Variants in COG2 observed in about 807,000 individuals in gnomAD.
The protein encoded by COG2 is component of oligomeric golgi complex 2.
In COG2, 52 loss-of-function variants were observed where a neutral mutation model predicts 90.6. The ratio of observed to expected loss-of-function variants is 0.57; its 90% CI spans 0.46 to 0.72. COG2 has a LOEUF of 0.72. Ranked by LOEUF, COG2 falls within the 30% of genes least tolerant of loss-of-function variation. The pLI, the probability that COG2 is intolerant of heterozygous loss-of-function variation, is 0.00. For synonymous variants in COG2, 337 were observed against 320.4 expected, an observed-to-expected ratio of 1.05 and a Z score of -0.55; for missense variants, 829 against 891.2, an observed-to-expected ratio of 0.93 and a Z score of 0.89.
chr1:230,691,777 G>A, intron 17 of COG2: 2 of 520,280 alleles, frequency 3.8e-6, no homozygotes, highest in Non-Finnish European at 3.4e-6. Context: ...AAGTCTGGTG[G>A]CGTGCTCTCT....
At chr1:230,672,496 C>G (rs1662473997) in intron 8 of COG2, among the ~76,000 whole-genome samples, 3 of 152,076 alleles carry the variant, frequency 2.0e-5, no homozygotes, top group Non-Finnish European at 4.4e-5. Flanking sequence ...GTCAAACTGC[C>G]TCTCCACATG....
At position 230,678,625 on chromosome 1, in the gene COG2, G is replaced by A. The variant is rs961166758; in HGVS notation, c.1027-288G>A. The A allele has an allele frequency of 2.6e-5, 35 of 1,349,718 alleles. No individual in the cohort carries two copies. The Admixed American group carries it at 7.0e-4, about 27-fold the overall frequency. The allele number at this position is 1,349,718 out of a possible 1,614,324, so 83.6% of individuals were successfully genotyped here. A position where few individuals can be genotyped will look rare whatever the true frequency, so the allele number is the denominator to read the frequency against. ...TAATTCCAGTGGGCTGGGGTAGGGGGCCCTAGAACATGAGCACTGCCATTT... is the reference window on the plus strand; with the variant it reads ...TAATTCCAGTGGGCTGGGGTAGGGGACCCTAGAACATGAGCACTGCCATTT... On this transcript the variant is annotated intron_variant, in intron 9 of 17. Coordinates refer to ENST00000366669, the MANE Select transcript of COG2 (RefSeq NM_007357.3).
At chr1:230,686,850 G>C in intron 12 of COG2, 85 bp from the exon 13 acceptor site, 6 of 772,436 alleles carry the variant, frequency 7.8e-6, no homozygotes. Context: ...TTAATGGTGA[G>C]TTATTGACGC....
rs1662666350 is a variant in COG2, at chr1:230,678,960, T to C, written c.1074T>C (p.Cys358=). 1 of 1,613,554 alleles carries C rather than the reference T, an allele frequency of 6.2e-7. No homozygotes were observed. Among genetic ancestry groups the C allele is most frequent in the African/African-American group, 1.3e-5 (1 of 74,918 alleles). The change falls in exon 10 of 18, where the codon TGT becomes TGC. Residue 358 remains cysteine (C), a synonymous_variant. Transcript: ENST00000366669. Reference sequence around the variant, plus strand: ...TTGTCAGAAGATTGGAACGGCAGTGTGGATCACAGGCTAGTGTAAAGAGAT... The same window carrying C: ...TTGTCAGAAGATTGGAACGGCAGTGCGGATCACAGGCTAGTGTAAAGAGAT... ...MDFVRRLERQ[C]GSQASVKRLR...
In COG2 at chr1:230,663,984, T is replaced by C. The variant is rs906246734; in HGVS notation, c.382-500T>C. On this transcript the variant is annotated intron_variant, in intron 4 of 17. Coordinates refer to ENST00000366669, the MANE Select transcript of COG2 (RefSeq NM_007357.3). ...GGCAGATCGCTTGAGCTCAGGACTT[T>C]GAGAACAGCCTGGGCAACATAGCAA... Among the ~76,000 whole-genome samples, 6 of 152,078 alleles carry C rather than the reference T, an allele frequency of 3.9e-5. No individual in the cohort carries two copies. In the East Asian group the frequency reaches 9.6e-4, roughly 24 times the overall value.
Position 230,678,158 on chromosome 1 carries a change from G to A in COG2, c.1027-755G>A, listed in dbSNP as rs920638394. 11 of 985,242 alleles carry A rather than the reference G, an allele frequency of 1.1e-5. No homozygotes were observed. The Admixed American group carries it at 1.8e-4, about 17-fold the overall frequency. 61.0% of individuals were successfully genotyped at this position (985,242 alleles called of 1,614,324 possible). Reference sequence around the variant, plus strand: ...AGTGTTCTTAGAGCCTGGGGGCTTCGGGAATAAAGTACCCACAAAAGCAAC... The same window carrying A: ...AGTGTTCTTAGAGCCTGGGGGCTTCAGGAATAAAGTACCCACAAAAGCAAC... On this transcript the variant is annotated intron_variant, in intron 9 of 17. Transcript: ENST00000366669.
intron 15 of COG2, among the ~76,000 whole-genome samples, chr1:230,689,415 G>C (rs909505112): frequency 3.9e-5 from 6 of 152,166 alleles, no homozygotes; most frequent in African/African-American, 1.4e-4. Flanking sequence ...CATTTACTGA[G>C]AGTTTGTTAT....
rs542327049 is a variant in COG2 at position 230,658,835 on chromosome 1, A to G, written c.73-629A>G. ...CGCAAGCTCCTGAACATCTTGTTCA[A>G]TAGAATACTCAACATCCATATAAAA... On this transcript the variant is annotated intron_variant, in intron 1 of 17. Coordinates refer to ENST00000366669, the MANE Select transcript of COG2 (RefSeq NM_007357.3). Among the ~76,000 whole-genome samples, 6 of 152,320 alleles carry G rather than the reference A, an allele frequency of 3.9e-5. No individual in the cohort carries two copies. The East Asian group carries it at 1.2e-3, about 29-fold the overall frequency.
chr1:230,656,137 G>A (rs894278352), intron 1 of COG2, among the ~76,000 whole-genome samples: 22 of 151,634 alleles, frequency 1.5e-4, no homozygotes, highest in African/African-American at 5.1e-4. Context: ...GTTATTTCTC[G>A]TCTTCTGCTA....
chr1:230,688,957 C>T (rs1350961739), intron 15 of COG2, among the ~76,000 whole-genome samples: 1 of 152,092 alleles, frequency 6.6e-6, no homozygotes, highest in Non-Finnish European at 1.5e-5. Flanking sequence ...ATAGTTGGCC[C>T]CTTATCCCCA....
At chr1:230,675,168 G>A (rs749564741) in intron 9 of COG2, 44 bp downstream of exon 9, 2 of 1,580,044 alleles carry the variant, frequency 1.3e-6, no homozygotes, top group Non-Finnish European at 1.7e-6. Context: ...ATGTTAACCG[G>A]AGACTGGAGA....
chr1:230,692,760 G>A (rs772043646), intron 17 of COG2, among the ~76,000 whole-genome samples: 24 of 147,680 alleles, frequency 1.6e-4, no homozygotes, highest in Non-Finnish European at 7.5e-5. Context: ...GTGTGTGTGC[G>A]TGTATGGATG....
In COG2 at chr1:230,659,560, A is replaced by G; in HGVS notation, c.169A>G (p.Lys57Glu). 6.2e-7 allele frequency: 1 copy of G among 1,614,082 alleles called. No homozygotes were observed. The highest frequency in any genetic ancestry group is 1.1e-5 in the South Asian group (1 of 91,074). Residue 57 changes from lysine to glutamate, a missense_variant, in exon 2 of 18, where the codon AAA (lysine) becomes GAA (glutamate). Coordinates refer to ENST00000366669, the MANE Select transcript of COG2 (RefSeq NM_007357.3). ...DDLELYYKLL[K>E]TAMVELINKD... ...CCTGGAGCTCTACTATAAACTTCTT[A>G]AAACAGCCATGGTCGAACTCATCAA...
intron 1 of COG2, among the ~76,000 whole-genome samples, chr1:230,646,688 G>T (rs1043332504): frequency 6.9e-6 from 1 of 144,734 alleles, no homozygotes; most frequent in East Asian, 2.1e-4. Flanking sequence ...AACTGAATTT[G>T]TTGGGGGAAG....
chr1:230,662,722 A>G (rs997474666), intron 3 of COG2, among the ~76,000 whole-genome samples: 1 of 152,082 alleles, frequency 6.6e-6, no homozygotes, highest in African/African-American at 2.4e-5. Context: ...TGTATTCCTC[A>G]CTGGTCCTGA....
intron 10 of COG2, chr1:230,679,876 C>T (rs931095471): frequency 6.6e-6 from 1 of 152,120 alleles, no homozygotes; most frequent in Admixed American, 6.6e-5. Flanking sequence ...TTTCCCCTAG[C>T]GTTCTGAGGA....
chr1:230,650,246 G>C (rs749148335), intron 1 of COG2, among the ~76,000 whole-genome samples: 1 of 152,074 alleles, frequency 6.6e-6, no homozygotes, highest in Non-Finnish European at 1.5e-5. Context: ...GGATTACTAG[G>C]TCAAATGGTA....
At chr1:230,683,549 ATT>A in intron 10 of COG2, 23 bp from the exon 11 acceptor site, 1 of 1,564,818 alleles carries the variant, frequency 6.4e-7, no homozygotes, top group Non-Finnish European at 8.8e-7. Context: ...ATAAACATTA[ATT>A]CTTCTTCTTG....
intron 1 of COG2, among the ~76,000 whole-genome samples, chr1:230,659,192 T>C (rs986747538): frequency 2.0e-5 from 3 of 152,206 alleles, no homozygotes; most frequent in African/African-American, 4.8e-5. Flanking sequence ...AAGAACCTGA[T>C]TGAATTGTGT....
Sources: allele counts gnomAD v4.1 joint callset (sites outside exome capture counted in the v4.1 genomes callset), GRCh38; gene constraint gnomAD v4.1.1; transcripts MANE v1.5; gene names NCBI Gene and HGNC (gene_info 2026-07-23, HGNC 2026-07-21).